The following ZBTB20 variants were observed in gnomAD, a reference collection of about 807,000 sequenced individuals.
ZBTB20 encodes zinc finger and BTB domain containing 20.
A neutral mutation model predicts 56.9 loss-of-function variants in ZBTB20; 9 were observed. The observed-to-expected ratio is 0.16, with a 90% CI of 0.10 to 0.28. ZBTB20 has a LOEUF of 0.28. Among genes scored for constraint, ZBTB20 ranks in the 10% least tolerant of loss-of-function variants. The pLI is 1.00. For missense variants in ZBTB20, 655 were observed against 1,003.0 expected, an observed-to-expected ratio of 0.65 and a Z score of 4.69; for synonymous variants, 417 against 420.7, an observed-to-expected ratio of 0.99 and a Z score of 0.11.
rs773105800 is a variant in ZBTB20 at position 114,350,962 on chromosome 3, A to G, written c.1116T>C (p.Gly372=). ...QAEGTESEPK[G]ESFDSGVSSS... is the part of the protein sequence containing the mutation. ...AGCTGACGCCCGAGTCGAAGCTTTCACCTTTGGGCTCACTCTCGGTGCCCT... is the reference window on the plus strand; with the variant it reads ...AGCTGACGCCCGAGTCGAAGCTTTCGCCTTTGGGCTCACTCTCGGTGCCCT... Residue 372 remains glycine, a synonymous_variant, in exon 11 of 12, where the codon GGT becomes GGC. Transcript: ENST00000675478. 4 of 1,600,090 alleles carry G rather than the reference A, an allele frequency of 2.5e-6. No homozygotes were observed. The highest frequency in any genetic ancestry group is 2.5e-6 in the Non-Finnish European group (3 of 1,177,718).
intron 4 of ZBTB20, among the ~76,000 whole-genome samples, chr3:114,881,544 A>G (rs2076396420): frequency 6.6e-6 from 1 of 151,998 alleles, no homozygotes; most frequent in African/African-American, 2.4e-5. Context: ...TGATGGTTTC[A>G]CTGATTTAAT....
intron 1 of ZBTB20, among the ~76,000 whole-genome samples, chr3:115,098,967 G>A (rs903478183): frequency 6.6e-6 from 1 of 152,136 alleles, no homozygotes; most frequent in Middle Eastern, 3.2e-3. Context: ...AAACATTTGT[G>A]TATCTATGTG....
intron 6 of ZBTB20, among the ~76,000 whole-genome samples, chr3:114,633,130 T>A (rs914449906): frequency 1.3e-5 from 2 of 152,242 alleles, no homozygotes; most frequent in Non-Finnish European, 2.9e-5. Context: ...TCACACTGAC[T>A]CTTCTCAAAA....
chr3:115,051,353 T>C (rs2081540561), intron 2 of ZBTB20, among the ~76,000 whole-genome samples: 1 of 152,040 alleles, frequency 6.6e-6, no homozygotes, highest in Non-Finnish European at 1.5e-5. Context: ...GATTCCATGA[T>C]AGCATCTGAG....
At chr3:114,383,341 C>T (rs2084629629) in intron 8 of ZBTB20, among the ~76,000 whole-genome samples, 1 of 152,232 alleles carries the variant, frequency 6.6e-6, no homozygotes, top group South Asian at 2.1e-4. Context: ...TTCTTTCAAA[C>T]ATAAGGACAT....
At chr3:114,829,418 C>T (rs184859088) in intron 4 of ZBTB20, among the ~76,000 whole-genome samples, 95 of 151,864 alleles carry the variant, frequency 6.3e-4, no homozygotes, top group African/African-American at 1.7e-3. Context: ...AAAAAGAAAA[C>T]ATTTAGTCTG....
At chr3:115,124,078 TTGTCTGGCA>T (rs1229666875) in intron 1 of ZBTB20, among the ~76,000 whole-genome samples, 3 of 152,232 alleles carry the variant, frequency 2.0e-5, no homozygotes, top group African/African-American at 7.2e-5. Context: ...CACTTAAATG[TTGTCTGGCA>T]TGTAGCGATA....
chr3:114,397,809 TC>T (rs556330606), intron 7 of ZBTB20, among the ~76,000 whole-genome samples: 156 of 152,228 alleles, frequency 1.0e-3, no homozygotes, highest in African/African-American at 2.9e-3. Context: ...GATTACAGAC[TC>T]CCCCATCCCC....
intron 2 of ZBTB20, among the ~76,000 whole-genome samples, chr3:115,037,469 G>A (rs2080974320): frequency 6.6e-6 from 1 of 152,094 alleles, no homozygotes; most frequent in South Asian, 2.1e-4. Flanking sequence ...ATTTTTAGTA[G>A]AGGCAGGGTT....
At chr3:114,486,017 A>G (rs1212302177) in intron 7 of ZBTB20, among the ~76,000 whole-genome samples, 4 of 152,032 alleles carry the variant, frequency 2.6e-5, no homozygotes, top group Non-Finnish European at 5.9e-5. Flanking sequence ...ATAAGCCAGA[A>G]TCCAACATCA....
intron 6 of ZBTB20, among the ~76,000 whole-genome samples, chr3:114,674,055 T>G (rs796966117): frequency 6.6e-6 from 1 of 152,170 alleles, no homozygotes; most frequent in Non-Finnish European, 1.5e-5. Flanking sequence ...GTATATAAAC[T>G]CACATGAGCT....
intron 2 of ZBTB20, among the ~76,000 whole-genome samples, chr3:115,018,581 A>G (rs533097259): frequency 1.3e-5 from 2 of 151,574 alleles, no homozygotes; most frequent in East Asian, 3.9e-4. Flanking sequence ...CCAAGATGAA[A>G]GTAAGAATTG....
In ZBTB20 at chr3:114,321,383, A is replaced by G. The variant is rs2078889251; in HGVS notation, c.*17622T>C. ...AGACCCCAATGTCCTCTGAGTAAATATATGTCAGCTCAGCTCCTGACATGA... is the reference window on the plus strand; with the variant it reads ...AGACCCCAATGTCCTCTGAGTAAATGTATGTCAGCTCAGCTCCTGACATGA... On this transcript the variant is annotated 3_prime_UTR_variant, in exon 12 of 12. Coordinates refer to ENST00000675478, the MANE Select transcript of ZBTB20 (RefSeq NM_001348800.3). 1 of 152,196 alleles carries G rather than the reference A, an allele frequency of 6.6e-6. No homozygotes were observed. The highest frequency in any genetic ancestry group is 3.2e-3 in the Middle Eastern group (1 of 316). The allele number at this position is 152,196 out of a possible 1,614,324, so 9.4% of individuals were successfully genotyped here.
chr3:114,779,268 C>T (rs2069875423), intron 5 of ZBTB20, among the ~76,000 whole-genome samples: 1 of 152,168 alleles, frequency 6.6e-6, no homozygotes. Context: ...TTTCATAGTG[C>T]CATATAATTA....
chr3:114,417,024 T>C (rs1296940484), intron 7 of ZBTB20, among the ~76,000 whole-genome samples: 1 of 152,102 alleles, frequency 6.6e-6, no homozygotes, highest in Non-Finnish European at 1.5e-5. Context: ...TCTTACCAAA[T>C]ACAGATGTTT....
chr3:114,818,502 G>A (rs770040711), intron 4 of ZBTB20, among the ~76,000 whole-genome samples: 4 of 151,994 alleles, frequency 2.6e-5, no homozygotes, highest in Non-Finnish European at 2.9e-5. Context: ...CTGGCATATA[G>A]TAAGTGCTAA....
chr3:114,965,028 A>C (rs368009824), intron 3 of ZBTB20, among the ~76,000 whole-genome samples: 3 of 152,346 alleles, frequency 2.0e-5, no homozygotes, highest in Admixed American at 6.5e-5. Context: ...AGATGGGATG[A>C]TAACATATTA....
At chr3:114,342,522 T>C (rs1210211497) in intron 11 of ZBTB20, among the ~76,000 whole-genome samples, 1 of 152,214 alleles carries the variant, frequency 6.6e-6, no homozygotes, top group African/African-American at 2.4e-5. Flanking sequence ...CAGATATGAA[T>C]TCCATTTCCT....
chr3:114,400,587 G>T (rs1390141808), intron 7 of ZBTB20, among the ~76,000 whole-genome samples: 2 of 152,096 alleles, frequency 1.3e-5, no homozygotes, highest in African/African-American at 4.8e-5. Flanking sequence ...TACTTGAGTG[G>T]GTGAGCCAAA....
Sources: gnomAD v4.1 joint callset for allele counts (sites outside exome capture counted in the v4.1 genomes callset) on GRCh38, gnomAD v4.1.1 for gene constraint, MANE v1.5 for transcripts, NCBI Gene and HGNC (gene_info 2026-07-23, HGNC 2026-07-21) for gene names.